PKHD1: variants seen among roughly 807,000 people sequenced by gnomAD.
The protein encoded by PKHD1 is fibrocystin.
PKHD1 carries 291 observed loss-of-function variants against 412.0 expected under a neutral mutation model. The observed-to-expected ratio is 0.71, with a 90% CI of 0.64 to 0.78. The LOEUF (loss-of-function observed/expected upper bound fraction) is 0.78, where lower values mean the gene tolerates loss of function less well. PKHD1 is among the 30% of genes least tolerant of loss of function. PKHD1 has a pLI of 0.00. For missense variants in PKHD1, 4,825 were observed against 4,950.7 expected, an observed-to-expected ratio of 0.97 and a Z score of 0.76; for synonymous variants, 1,777 against 1,821.5, an observed-to-expected ratio of 0.98 and a Z score of 0.62.
chr6:51,637,746 A>G (rs1246602111), intron 64 of PKHD1, among the ~76,000 whole-genome samples: 1 of 152,124 alleles, frequency 6.6e-6, no homozygotes, highest in African/African-American at 2.4e-5. Context: ...TCTACTAAAA[A>G]TACAAAAATT....
intron 37 of PKHD1, among the ~76,000 whole-genome samples, chr6:51,919,838 G>T (rs1211401053): frequency 2.0e-5 from 3 of 152,186 alleles, no homozygotes; most frequent in Non-Finnish European, 2.9e-5. Context: ...CCTTGAAGAG[G>T]TCCTTCACAT....
chr6:52,040,844 A>T (rs1804759440), intron 27 of PKHD1, among the ~76,000 whole-genome samples: 1 of 152,026 alleles, frequency 6.6e-6, no homozygotes, highest in Admixed American at 6.6e-5. Context: ...TCCCTTCTTG[A>T]TTTTTATCCT....
chr6:51,761,123 C>G (rs1446140758), intron 55 of PKHD1, among the ~76,000 whole-genome samples: 1 of 152,036 alleles, frequency 6.6e-6, no homozygotes, highest in Non-Finnish European at 1.5e-5. Flanking sequence ...TATTTGCACT[C>G]CCATGTTCAC....
At position 52,066,033 on chromosome 6, in the gene PKHD1, T is replaced by C. The variant is rs1464035993; in HGVS notation, c.823A>G (p.Thr275Ala). 1.2e-5 allele frequency: 19 copies of C among 1,606,094 alleles called. No homozygotes were observed. The highest frequency in any genetic ancestry group is 1.6e-5 in the Non-Finnish European group (19 of 1,172,822). The change falls in exon 12 of 67, where the codon ACA becomes GCA. Residue 275 changes from threonine (T) to alanine (A), a missense_variant. By Grantham distance (58) the Thr-to-Ala change is moderately conservative. Transcript: ENST00000371117. The part of the protein sequence containing the change: ...FPETGSLGGR[T>A]NITITGDFFD... The stretch of plus-strand genomic sequence containing the variant: ...AAGTCTCCTGTAATTGTGATGTTTG[T>C]TCTTCCCCCAAGGCTCCCAGTTTCT...
intron 55 of PKHD1, among the ~76,000 whole-genome samples, chr6:51,757,961 T>C (rs1029880928): frequency 1.5e-4 from 23 of 149,046 alleles, no homozygotes; most frequent in African/African-American, 5.2e-4. Flanking sequence ...GAGTGAGCTA[T>C]GATCATGCCA....
intron 37 of PKHD1, among the ~76,000 whole-genome samples, chr6:51,920,802 C>T (rs1784573541): frequency 6.6e-6 from 1 of 152,126 alleles, no homozygotes; most frequent in Non-Finnish European, 1.5e-5. Flanking sequence ...ATTTCAGATC[C>T]TGTTATTGGT....
At chr6:51,887,054 T>A in intron 44 of PKHD1, 79 bp downstream of exon 44, 1 of 905,418 alleles carries the variant, frequency 1.1e-6, no homozygotes, top group Admixed American at 1.7e-5. Context: ...ATGCCCAAAG[T>A]GCTCTCATTG....
intron 60 of PKHD1, among the ~76,000 whole-genome samples, chr6:51,716,897 C>T (rs578176799): frequency 1.1e-3 from 161 of 152,070 alleles, no homozygotes; most frequent in African/African-American, 3.7e-3. Flanking sequence ...GGAGCAGAGG[C>T]AAGCAGAAAA....
chr6:52,060,056 C>T lies in PKHD1; in HGVS notation c.1119-14G>A. 1 of 1,464,824 alleles carries T rather than the reference C, an allele frequency of 6.8e-7. No homozygotes were observed. Among genetic ancestry groups the T allele is most frequent in the Non-Finnish European group, 9.6e-7 (1 of 1,043,854 alleles). The allele number at this position is 1,464,824 out of a possible 1,614,324, so 90.7% of individuals were successfully genotyped here. On this transcript the variant is annotated splice_polypyrimidine_tract_variant and intron_variant, in intron 14 of 66. Transcript: ENST00000371117. The stretch of plus-strand genomic sequence containing the variant: ...CTGAGCCGTGCTCTGTAAAGTAGAA[C>T]ATAGAGTCAAGCAAGAGTAACCAAG...
At position 51,881,617 on chromosome 6, in the gene PKHD1, G is replaced by T. The variant is rs546236359; in HGVS notation, c.7350+1476C>A. Among the ~76,000 whole-genome samples, 19 of 152,280 alleles carry T rather than the reference G, an allele frequency of 1.2e-4. No homozygotes were observed. In the South Asian group the frequency reaches 3.5e-3, roughly 28 times the overall value. Reference sequence around the variant, plus strand: ...CCTTTGCCAAAGCCATTTTCCATGTGCAATTGAAGAATATTTGACCAGGAG... The same window carrying T: ...CCTTTGCCAAAGCCATTTTCCATGTTCAATTGAAGAATATTTGACCAGGAG... On this transcript the variant is annotated intron_variant, in intron 46 of 66. Coordinates refer to ENST00000371117, the MANE Select transcript of PKHD1 (RefSeq NM_138694.4).
At chr6:51,865,567 C>T (rs951619857) in intron 48 of PKHD1, among the ~76,000 whole-genome samples, 1 of 152,166 alleles carries the variant, frequency 6.6e-6, no homozygotes, top group East Asian at 1.9e-4. Context: ...AAGAGGATGT[C>T]TTGTTTATGC....
At chr6:51,841,142 G>T (rs1443287626) in intron 50 of PKHD1, among the ~76,000 whole-genome samples, 9 of 152,114 alleles carry the variant, frequency 5.9e-5, no homozygotes, top group Admixed American at 3.3e-4. Context: ...CTTATAAATT[G>T]AAAGAAGAAG....
chr6:51,889,116 C>G (rs1778695926), intron 43 of PKHD1, among the ~76,000 whole-genome samples: 1 of 152,058 alleles, frequency 6.6e-6, no homozygotes, highest in African/African-American at 2.4e-5. Flanking sequence ...TGATTCAATC[C>G]TGATCACCTG....
rs373529036 is a variant in PKHD1, at chr6:51,856,016, T to A, written c.7788A>T (p.Lys2596Asn). ...YDLTMTDSRN[K>N]TTTVNYVRDT... is the part of the protein sequence containing the mutation. The stretch of plus-strand genomic sequence containing the variant: ...CACGTACATAATTGACAGTGGTTGT[T>A]TTATTTCTGCTGTCAGTCATGGTTA... Residue 2596 changes from lysine (K) to asparagine (N), a missense_variant, in exon 49 of 67, where the codon AAA becomes AAT. Physicochemically the swap from Lys to Asn is moderately conservative, Grantham distance 94 (BLOSUM62 0). Transcript: ENST00000371117. 9.3e-6 allele frequency: 15 copies of A among 1,608,992 alleles called. No individual in the cohort carries two copies. The highest frequency in any genetic ancestry group is 1.3e-5 in the Non-Finnish European group (15 of 1,175,430).
chr6:51,830,090 T>C (rs551525978), intron 52 of PKHD1, among the ~76,000 whole-genome samples: 1 of 152,326 alleles, frequency 6.6e-6, no homozygotes, highest in South Asian at 2.1e-4. Flanking sequence ...TCACAGATGG[T>C]TAAATGTTCT....
At chr6:51,763,499 A>T (rs1788397659) in intron 55 of PKHD1, among the ~76,000 whole-genome samples, 1 of 152,120 alleles carries the variant, frequency 6.6e-6, no homozygotes. Context: ...CTAACCTTTT[A>T]ATTATAATTA....
intron 35 of PKHD1, among the ~76,000 whole-genome samples, chr6:51,989,946 A>AG (rs1562073208): frequency 2.3e-4 from 7 of 30,232 alleles, no homozygotes; most frequent in African/African-American, 4.0e-4. Context: ...GAAGGAAGGA[A>AG]GAAAGGAAGG....
chr6:51,919,560 C>T (rs1784369161), intron 37 of PKHD1, among the ~76,000 whole-genome samples: 1 of 152,176 alleles, frequency 6.6e-6, no homozygotes, highest in Non-Finnish European at 1.5e-5. Context: ...AGTCAGGTAG[C>T]ATGATGCCTC....
chr6:51,874,836 T>C (rs1776592927), intron 46 of PKHD1, among the ~76,000 whole-genome samples: 1 of 108,792 alleles, frequency 9.2e-6, no homozygotes, highest in Non-Finnish European at 1.8e-5. Context: ...GATTTCTGCA[T>C]TTCCATCTGA....
Sources: allele counts gnomAD v4.1 joint callset (sites outside exome capture counted in the v4.1 genomes callset), GRCh38; gene constraint gnomAD v4.1.1; transcripts MANE v1.5; gene names NCBI Gene and HGNC (gene_info 2026-07-23, HGNC 2026-07-21).